Variants in SPOCK3 observed in about 807,000 individuals in gnomAD.
SPOCK3 encodes the protein SPARC (osteonectin), cwcv and kazal like domains proteoglycan 3.
Under a neutral mutation model 56.6 loss-of-function variants are expected in SPOCK3, and 30 were observed. The ratio of observed to expected loss-of-function variants is 0.53; its 90% confidence interval spans 0.40 to 0.72. SPOCK3 has a LOEUF of 0.72. SPOCK3 is among the 30% of genes least tolerant of loss of function. SPOCK3 has a pLI of 0.00. For synonymous variants in SPOCK3, 196 were observed against 183.3 expected, an observed-to-expected ratio of 1.07 and a Z score of -0.56; for missense variants, 527 against 530.0, an observed-to-expected ratio of 0.99 and a Z score of 0.06.
At chr4:166,746,334 A>C (rs995639456) in intron 8 of SPOCK3, among the ~76,000 whole-genome samples, 1 of 152,228 alleles carries the variant, frequency 6.6e-6, no homozygotes, top group Admixed American at 6.5e-5. Context: ...AGGATTAAGA[A>C]ACTCACTCAA....
intron 4 of SPOCK3, among the ~76,000 whole-genome samples, chr4:166,913,005 C>T (rs1465297826): frequency 6.6e-6 from 1 of 152,020 alleles, no homozygotes; most frequent in Non-Finnish European, 1.5e-5. Flanking sequence ...AGCTGTATTT[C>T]TTCATGTGAA....
rs763450165 is a variant in SPOCK3, at chr4:166,754,757, G to A, written c.710-28C>T. On this transcript the variant is annotated intron_variant, in intron 7 of 10. Transcript: ENST00000357545. ...AAAGGCAAAAAAAAGAAAATGATTA[G>A]TTAAATATGAAAGACACCATTAGCA... 1.9e-6 allele frequency: 3 copies of A among 1,610,544 alleles called. No individual in the cohort carries two copies. In the Admixed American group the frequency reaches 5.0e-5, roughly 27 times the overall value.
intron 2 of SPOCK3, among the ~76,000 whole-genome samples, chr4:167,155,059 T>C (rs10025534): frequency 0.01 from 1,558 of 152,236 alleles, 33 homozygotes; most frequent in African/African-American, 0.036. Flanking sequence ...CAGGAAGTTA[T>C]ATAGTATATC....
chr4:166,932,613 C>A (rs1027430920), intron 4 of SPOCK3, among the ~76,000 whole-genome samples: 2 of 151,934 alleles, frequency 1.3e-5, no homozygotes, highest in Non-Finnish European at 2.9e-5. Context: ...GCTAAAAATG[C>A]CAATTTGGTG....
At chr4:166,876,783 TG>T (rs1290035210) in intron 6 of SPOCK3, among the ~76,000 whole-genome samples, 1 of 152,120 alleles carries the variant, frequency 6.6e-6, no homozygotes, top group East Asian at 1.9e-4. Context: ...ATAAAATATA[TG>T]TAGGTGAAGG....
chr4:166,932,622 T>C (rs1739920654), intron 4 of SPOCK3, among the ~76,000 whole-genome samples: 1 of 152,148 alleles, frequency 6.6e-6, no homozygotes, highest in African/African-American at 2.4e-5. Context: ...GCCAATTTGG[T>C]GAATGTCAAC....
At chr4:167,059,127 C>T (rs1184707574) in intron 3 of SPOCK3, among the ~76,000 whole-genome samples, 2 of 152,018 alleles carry the variant, frequency 1.3e-5, no homozygotes, top group Non-Finnish European at 2.9e-5. Flanking sequence ...AAAGCAGTGG[C>T]AACAAAAGCC....
intron 4 of SPOCK3, among the ~76,000 whole-genome samples, chr4:166,915,590 G>C (rs1468620952): frequency 6.6e-6 from 1 of 152,124 alleles, no homozygotes; most frequent in Admixed American, 6.6e-5. Flanking sequence ...ATTTAAGAGA[G>C]AGCAACGTGT....
chr4:167,201,286 G>A (rs560304880), intron 2 of SPOCK3, among the ~76,000 whole-genome samples: 2 of 151,842 alleles, frequency 1.3e-5, no homozygotes, highest in Admixed American at 1.3e-4. Context: ...AAATTATGAT[G>A]GATTAAAACT....
At chr4:166,922,201 C>T (rs1283064906) in intron 4 of SPOCK3, among the ~76,000 whole-genome samples, 1 of 152,110 alleles carries the variant, frequency 6.6e-6, no homozygotes, top group African/African-American at 2.4e-5. Context: ...GTCCTTGGTG[C>T]CAAAAAGATT....
chr4:166,893,420 C>T (rs573610426), intron 5 of SPOCK3, among the ~76,000 whole-genome samples: 35 of 152,056 alleles, frequency 2.3e-4, no homozygotes, highest in Middle Eastern at 3.4e-3. Context: ...TCAGCTAAAG[C>T]GAGAAAAGAT....
intron 6 of SPOCK3, among the ~76,000 whole-genome samples, chr4:166,864,779 G>A (rs1731617360): frequency 6.6e-6 from 1 of 152,030 alleles, no homozygotes; most frequent in African/African-American, 2.4e-5. Context: ...CTGAAATTGA[G>A]GCAGTAATTA....
chr4:166,811,992 G>C (rs1375131587), intron 6 of SPOCK3, among the ~76,000 whole-genome samples: 2 of 151,812 alleles, frequency 1.3e-5, no homozygotes, highest in Non-Finnish European at 3.0e-5. Context: ...CAGAATTAAA[G>C]ATCTGTGTTT....
At chr4:166,821,944 A>G (rs1160622248) in intron 6 of SPOCK3, among the ~76,000 whole-genome samples, 2 of 152,106 alleles carry the variant, frequency 1.3e-5, no homozygotes, top group Non-Finnish European at 2.9e-5. Flanking sequence ...TTTATAGGAT[A>G]GATCAATTAA....
intron 2 of SPOCK3, among the ~76,000 whole-genome samples, chr4:167,091,746 A>G (rs1758720003): frequency 6.6e-6 from 1 of 152,200 alleles, no homozygotes; most frequent in Non-Finnish European, 1.5e-5. Flanking sequence ...GGGATAAAGA[A>G]AGTGGAAAAT....
chr4:167,188,763 A>T (rs1580560063), intron 2 of SPOCK3, among the ~76,000 whole-genome samples: 1 of 146,440 alleles, frequency 6.8e-6, no homozygotes, highest in African/African-American at 2.6e-5. Context: ...AGAAAGCCAG[A>T]GGGAGCATTA....
At chr4:166,790,330 T>G (rs62355240) in intron 7 of SPOCK3, among the ~76,000 whole-genome samples, 34,679 of 151,660 alleles carry the variant, frequency 0.23, 4,421 homozygotes, top group East Asian at 0.33. Context: ...ATATAGGAGG[T>G]CTGGTTCACA....
intron 4 of SPOCK3, among the ~76,000 whole-genome samples, chr4:166,955,479 A>G (rs1743297615): frequency 6.8e-6 from 1 of 146,342 alleles, no homozygotes; most frequent in Non-Finnish European, 1.5e-5. Context: ...TATTATATTT[A>G]ATTATATTAT....
Position 166,733,809 on chromosome 4 carries a change from C to G in SPOCK3, c.*1112G>C, listed in dbSNP as rs6846930. 59,972 of 151,944 alleles carry G rather than the reference C, an allele frequency of 0.39. 11,980 individuals carry two copies. Among genetic ancestry groups the G allele is most frequent in the Admixed American group, 0.46 (7,015 of 15,212 alleles). The allele number at this position is 151,944 out of a possible 1,614,324, so 9.4% of individuals were successfully genotyped here. On this transcript the variant is annotated 3_prime_UTR_variant, in exon 11 of 11. Transcript: ENST00000357545. ...TTATGTAACAATAGAAAAAAAGAAA[C>G]AAACGTATCCCATTTTCTTCATTCC...
Sources: allele counts gnomAD v4.1 joint callset (sites outside exome capture counted in the v4.1 genomes callset), GRCh38; gene constraint gnomAD v4.1.1; transcripts MANE v1.5; gene names NCBI Gene and HGNC (gene_info 2026-07-23, HGNC 2026-07-21).